ARHGAP40: variants seen among roughly 807,000 people sequenced by gnomAD.
ARHGAP40 encodes Rho GTPase activating protein 40.
A neutral mutation model predicts 73.5 loss-of-function variants in ARHGAP40; 43 were observed. That is an observed-to-expected ratio of 0.58 (90% CI 0.46 to 0.75). ARHGAP40 has a LOEUF of 0.75. ARHGAP40 is among the 30% of genes least tolerant of loss of function. ARHGAP40 has a pLI of 0.00. For missense variants in ARHGAP40, 734 were observed against 861.8 expected, an observed-to-expected ratio of 0.85 and a Z score of 1.86; for synonymous variants, 300 against 352.8, an observed-to-expected ratio of 0.85 and a Z score of 1.68.
chr20:38,625,518 A>C (rs1268102650), intron 2 of ARHGAP40, among the ~76,000 whole-genome samples: 1 of 152,156 alleles, frequency 6.6e-6, no homozygotes, highest in African/African-American at 2.4e-5. Context: ...TCCTGGGTTC[A>C]AGCGATTCTC....
intron 14 of ARHGAP40, 125 bp downstream of exon 14, chr20:38,648,823 C>T (rs1238484318): frequency 1.5e-6 from 1 of 680,536 alleles, no homozygotes; most frequent in Non-Finnish European, 2.2e-6. Flanking sequence ...CCCTTCAGGT[C>T]TCTGTCTTCA....
intron 7 of ARHGAP40, 63 bp downstream of exon 7, chr20:38,637,862 T>C: frequency 8.2e-7 from 1 of 1,215,528 alleles, no homozygotes; most frequent in Non-Finnish European, 1.1e-6. Context: ...CAGGGGACCA[T>C]TGTCAGGAGA....
chr20:38,642,347 G>A (rs922376704), intron 10 of ARHGAP40, among the ~76,000 whole-genome samples: 3 of 152,178 alleles, frequency 2.0e-5, no homozygotes, highest in African/African-American at 4.8e-5. Flanking sequence ...TCCCTGTACC[G>A]TCTTGACTGT....
chr20:38,628,618 T>C (rs1489293102), intron 3 of ARHGAP40, among the ~76,000 whole-genome samples: 2 of 152,214 alleles, frequency 1.3e-5, no homozygotes, highest in Non-Finnish European at 2.9e-5. Flanking sequence ...CAAAATACTT[T>C]TTTATTGTCA....
rs911309934 is a variant in ARHGAP40 at position 38,647,272 on chromosome 20, T to C, written c.1880+146T>C. 29 of 563,980 alleles carry C rather than the reference T, an allele frequency of 5.1e-5. 1 individual carries two copies. Among genetic ancestry groups the C allele is most frequent in the Non-Finnish European group, 7.3e-5 (27 of 371,638 alleles). The allele number at this position is 563,980 out of a possible 1,614,324, so 34.9% of individuals were successfully genotyped here. ...GGTGGTCAGATGGGTTCTCCAATCT[T>C]AGAGAGTTTCTTGGCTCCAAGTAAT... On this transcript the variant is annotated intron_variant, in intron 13 of 14. Coordinates refer to ENST00000373345, the Ensembl canonical transcript of ARHGAP40.
chr20:38,601,848 G>C (rs2088734710), exon 1 of ARHGAP40: 2 of 1,255,160 alleles, frequency 1.6e-6, no homozygotes, highest in Admixed American at 4.8e-5. Flanking sequence ...GTGCGCCACG[G>C]GGGCCCTACC....
At chr20:38,603,328 C>T (rs1402334004) in intron 1 of ARHGAP40, among the ~76,000 whole-genome samples, 1 of 152,102 alleles carries the variant, frequency 6.6e-6, no homozygotes, top group Non-Finnish European at 1.5e-5. Flanking sequence ...GGGCTCTGCC[C>T]CATCACAGGC....
chr20:38,646,081 T>C lies in ARHGAP40; in HGVS notation c.1604T>C (p.Leu535Pro). ...TTCCTGGTCGCCCAGGTGCGAAAAC[T>C]GAACGACAGTAGCAGCAGGCGCCCC... The change falls in exon 12 of 15, where the codon CTG (leucine) becomes CCG (proline). Residue 535 changes from leucine to proline, a missense_variant. Transcript: ENST00000373345. This position sits in a 1 kb window ranked among gnomAD's most constrained non-coding sequence, Gnocchi z 4.5. The C allele has an allele frequency of 7.7e-7, 1 of 1,304,200 alleles. No individual in the cohort carries two copies. The highest frequency in any genetic ancestry group is 1.0e-6 in the Non-Finnish European group (1 of 988,854). 80.8% of individuals were successfully genotyped at this position (1,304,200 alleles called of 1,614,324 possible).
chr20:38,611,109 C>T (rs944835515), intron 1 of ARHGAP40, among the ~76,000 whole-genome samples: 5 of 152,044 alleles, frequency 3.3e-5, no homozygotes, highest in Non-Finnish European at 7.4e-5. Flanking sequence ...AGGCTAGTCT[C>T]GAACTCCTGG....
intron 1 of ARHGAP40, among the ~76,000 whole-genome samples, chr20:38,621,014 G>T (rs2088870773): frequency 6.6e-6 from 1 of 152,204 alleles, no homozygotes; most frequent in Admixed American, 6.5e-5. Context: ...AGTGTGGGCT[G>T]CTTCCAAACC....
At chr20:38,631,838 T>G (rs974917950) in intron 5 of ARHGAP40, among the ~76,000 whole-genome samples, 1 of 152,186 alleles carries the variant, frequency 6.6e-6, no homozygotes, top group Non-Finnish European at 1.5e-5. Context: ...TCAAATGGAA[T>G]TTTCTTAGGT....
chr20:38,630,035 CCCTT>C (rs2088927446), intron 5 of ARHGAP40, among the ~76,000 whole-genome samples: 1 of 149,614 alleles, frequency 6.7e-6, no homozygotes, highest in South Asian at 2.2e-4. Flanking sequence ...CTCCCTCCCT[CCCTT>C]CCCTCCTCCT....
intron 13 of ARHGAP40, among the ~76,000 whole-genome samples, chr20:38,647,996 C>T (rs2089064856): frequency 6.6e-6 from 1 of 152,164 alleles, no homozygotes; most frequent in Non-Finnish European, 1.5e-5. Flanking sequence ...GGCTGATGTG[C>T]AGCCATCATT....
rs1004198758 is a variant in ARHGAP40, at chr20:38,648,750, TCGA to T, written c.1936+54_1936+56del. 4.6e-6 allele frequency: 6 copies of T among 1,292,130 alleles called. No individual in the cohort carries two copies. The African/African-American group carries it at 7.7e-5, about 16-fold the overall frequency. The allele number at this position is 1,292,130 out of a possible 1,614,324, so 80.0% of individuals were successfully genotyped here. A position where few individuals can be genotyped will look rare whatever the true frequency, so the allele number is the denominator to read the frequency against. ...CAGAGCCCGGGTCCCTGGGAGTTCT[TCGA>T]CCTCAAAGGCTCACTGGGCCCTTCT... On this transcript the variant is annotated intron_variant, in intron 14 of 14. Transcript: ENST00000373345.
Position 38,646,466 on chromosome 20 carries a change from G to A in ARHGAP40, c.1710+279G>A, listed in dbSNP as rs1040071285. 2.6e-5 allele frequency among the ~76,000 whole-genome samples: 4 copies of A among 152,374 alleles called. No individual in the cohort carries two copies. In the South Asian group the frequency reaches 8.3e-4, roughly 32 times the overall value. On this transcript the variant is annotated intron_variant, in intron 12 of 14. Coordinates refer to ENST00000373345, the Ensembl canonical transcript of ARHGAP40. The surrounding 1 kb of genome is among the most constrained non-coding windows in gnomAD (Gnocchi z 4.5). ...ATTTTTCGGCAGCCCCTGGCCGAGG[G>A]TTGGGAAAATGGGAGTCGCTCTGCG...
intron 6 of ARHGAP40, among the ~76,000 whole-genome samples, chr20:38,636,124 C>T (rs561829307): frequency 3.3e-5 from 5 of 152,256 alleles, no homozygotes; most frequent in South Asian, 4.1e-4. Flanking sequence ...TGAGGAAGTA[C>T]GCTGTGCTTC....
chr20:38,645,363 G>A (rs2089045102), intron 11 of ARHGAP40, among the ~76,000 whole-genome samples: 1 of 152,110 alleles, frequency 6.6e-6, no homozygotes, highest in Admixed American at 6.5e-5. Context: ...ATTGGAGGAT[G>A]CTTTAAAAAT....
intron 5 of ARHGAP40, among the ~76,000 whole-genome samples, chr20:38,631,304 T>TAA (rs35575772): frequency 0.25 from 21,410 of 87,158 alleles, 2,556 homozygotes; most frequent in Non-Finnish European, 0.34. Flanking sequence ...GAGCAAGACC[T>TAA]AAAAAAAAAA....
At chr20:38,642,022 G>A (rs765520064) in intron 10 of ARHGAP40, among the ~76,000 whole-genome samples, 1 of 152,196 alleles carries the variant, frequency 6.6e-6, no homozygotes, top group African/African-American at 2.4e-5. Context: ...ACTGCAGAGC[G>A]TCAGTTCCAC....
Sources: allele counts gnomAD v4.1 joint callset (sites outside exome capture counted in the v4.1 genomes callset), GRCh38; gene constraint gnomAD v4.1.1; non-coding constraint Gnocchi (gnomAD v3.1); transcripts MANE v1.5; gene names NCBI Gene and HGNC (gene_info 2026-07-23, HGNC 2026-07-21).